Variants in DYNC1I2 observed in about 807,000 individuals in gnomAD.
The protein encoded by DYNC1I2 is cytoplasmic dynein 1 intermediate chain 2.
Under a neutral mutation model 88.6 loss-of-function variants are expected in DYNC1I2, and 53 were observed. The observed-to-expected ratio is 0.60, with a 90% CI of 0.48 to 0.75. DYNC1I2 has a LOEUF of 0.75. DYNC1I2 is among the 30% of genes least tolerant of loss of function. The pLI is 0.00. For synonymous variants in DYNC1I2, 198 were observed against 254.6 expected, an observed-to-expected ratio of 0.78 and a Z score of 2.12; for missense variants, 458 against 766.6, an observed-to-expected ratio of 0.60 and a Z score of 4.75.
At position 171,727,945 on chromosome 2, in the gene DYNC1I2, C is replaced by T. The variant is rs1688355177; in HGVS notation, c.1121C>T (p.Pro374Leu). The change falls in exon 12 of 18, where the codon CCA becomes CTA. Residue 374 changes from proline (P) to leucine (L), a missense_variant. Pro to Leu is a moderately conservative substitution (Grantham distance 98). Coordinates refer to ENST00000397119, the MANE Select transcript of DYNC1I2 (RefSeq NM_001378.3). ...AAAAGAACTCCAGTGCAAAGAACTC[C>T]ACTGTCAGCAGCTGCACACACAGTA... ...SNKRTPVQRT[P>L]LSAAAHTHPV... The T allele has an allele frequency of 6.2e-7, 1 of 1,613,030 alleles. No homozygotes were observed. Among genetic ancestry groups the T allele is most frequent in the African/African-American group, 1.3e-5 (1 of 74,870 alleles).
At chr2:171,735,040 G>C (rs922201304) in intron 15 of DYNC1I2, among the ~76,000 whole-genome samples, 25 of 152,078 alleles carry the variant, frequency 1.6e-4, no homozygotes, top group African/African-American at 5.8e-4. Context: ...AGTGCTCTTT[G>C]ACTCCAGGAA....
chr2:171,743,647 G>C (rs953546892), intron 15 of DYNC1I2, among the ~76,000 whole-genome samples: 2 of 152,194 alleles, frequency 1.3e-5, no homozygotes, highest in Non-Finnish European at 2.9e-5. Flanking sequence ...TCCTGATTCT[G>C]CTGTAGATGC....
intron 3 of DYNC1I2, among the ~76,000 whole-genome samples, chr2:171,701,714 T>C (rs1053478889): frequency 6.6e-6 from 1 of 152,182 alleles, no homozygotes; most frequent in Non-Finnish European, 1.5e-5. Context: ...TTAAACTTTG[T>C]TGAGTATTTG....
chr2:171,705,360 A>G (rs1686599708), intron 3 of DYNC1I2, among the ~76,000 whole-genome samples: 1 of 152,104 alleles, frequency 6.6e-6, no homozygotes, highest in African/African-American at 2.4e-5. Flanking sequence ...TTAAACTGAA[A>G]AAGAATTCTG....
chr2:171,726,106 T>A (rs1156362596), intron 9 of DYNC1I2, 25 bp downstream of exon 9: 1 of 1,562,188 alleles, frequency 6.4e-7, no homozygotes. Flanking sequence ...CTAAGATTTT[T>A]AGCTTCAATA....
At chr2:171,702,622 A>C (rs1392216049) in intron 3 of DYNC1I2, among the ~76,000 whole-genome samples, 1 of 152,148 alleles carries the variant, frequency 6.6e-6, no homozygotes, top group Non-Finnish European at 1.5e-5. Flanking sequence ...TTAAAAAATC[A>C]ATCTATTGTT....
Position 171,706,449 on chromosome 2 carries a change from C to T in DYNC1I2, c.227-98C>T, listed in dbSNP as rs994134099. ...AAAGTTGAGGATCTAGGGGAAAGCA[C>T]TTGCTGTTTATTTTATATACTATGA... On this transcript the variant is annotated intron_variant, in intron 3 of 17. Coordinates refer to ENST00000397119, the MANE Select transcript of DYNC1I2 (RefSeq NM_001378.3). The T allele has an allele frequency of 5.0e-5, 49 of 986,006 alleles. No individual in the cohort carries two copies. The South Asian group carries it at 6.6e-4, about 13-fold the overall frequency. The allele number at this position is 986,006 out of a possible 1,614,324, so 61.1% of individuals were successfully genotyped here.
At chr2:171,723,414 C>A (rs1017499254) in intron 7 of DYNC1I2, among the ~76,000 whole-genome samples, 1 of 152,136 alleles carries the variant, frequency 6.6e-6, no homozygotes, top group Non-Finnish European at 1.5e-5. Flanking sequence ...TATATTCTTA[C>A]AGTGAATTTT....
rs3223500 is a variant in DYNC1I2, at chr2:171,699,591, A to AGTGTGTGTGT, written c.226+6731_226+6740dup. On this transcript the variant is annotated intron_variant, in intron 3 of 17. Transcript: ENST00000397119. ...AGAGCAGGGGTTATTCATCATTTGG[A>AGTGTGTGTGT]GTGTGTGTGTGTGTGTGTGTGTGTG... 3.9e-3 allele frequency among the ~76,000 whole-genome samples: 538 copies of AGTGTGTGTGT among 137,816 alleles called. 3 individuals carry two copies. Among genetic ancestry groups the AGTGTGTGTGT allele is most frequent in the East Asian group, 6.5e-3 (30 of 4,594 alleles). The allele number at this position is 137,816 out of a possible 152,430, so 90.4% of individuals were successfully genotyped here. A position where few individuals can be genotyped will look rare whatever the true frequency, so the allele number is the denominator to read the frequency against.
chr2:171,707,695 G>A (rs1053950462), intron 5 of DYNC1I2, among the ~76,000 whole-genome samples: 13 of 151,964 alleles, frequency 8.6e-5, no homozygotes, highest in East Asian at 1.9e-4. Flanking sequence ...TGGTTATTAC[G>A]TGAATGTTTT....
chr2:171,705,578 C>A (rs1686617313), intron 3 of DYNC1I2, among the ~76,000 whole-genome samples: 1 of 152,010 alleles, frequency 6.6e-6, no homozygotes, highest in Non-Finnish European at 1.5e-5. Context: ...AGTAGGCAAA[C>A]AACTGTTAAG....
At position 171,727,987 on chromosome 2, in the gene DYNC1I2, TC is replaced by T. The variant is rs1688357329; in HGVS notation, c.1143+22del. On this transcript the variant is annotated intron_variant, in intron 12 of 17. Transcript: ENST00000397119. ...CACACAGTAAGTAAATAAGGTTATT[TC>T]CATTAGGCTTCTGTGCTCCTTCATC... 2 of 1,608,668 alleles carry T rather than the reference TC, an allele frequency of 1.2e-6. No individual in the cohort carries two copies. Among genetic ancestry groups the T allele is most frequent in the South Asian group, 2.2e-5 (2 of 90,054 alleles).
intron 17 of DYNC1I2, among the ~76,000 whole-genome samples, chr2:171,746,482 C>A (rs1255799544): frequency 6.6e-6 from 1 of 152,086 alleles, no homozygotes; most frequent in Non-Finnish European, 1.5e-5. Context: ...TCTTTTTTAA[C>A]CCTGGCTAGG....
At chr2:171,700,175 G>A (rs1249883485) in intron 3 of DYNC1I2, among the ~76,000 whole-genome samples, 1 of 152,174 alleles carries the variant, frequency 6.6e-6, no homozygotes, top group Non-Finnish European at 1.5e-5. Flanking sequence ...GCAAGTTGGT[G>A]TTGGTTGCTA....
At chr2:171,734,983 G>A (rs1385185533) in intron 15 of DYNC1I2, among the ~76,000 whole-genome samples, 1 of 152,170 alleles carries the variant, frequency 6.6e-6, no homozygotes, top group African/African-American at 2.4e-5. Context: ...TCACACTCAT[G>A]AATTTAACAG....
At chr2:171,740,778 C>A (rs1321130780) in intron 15 of DYNC1I2, among the ~76,000 whole-genome samples, 1 of 151,422 alleles carries the variant, frequency 6.6e-6, no homozygotes, top group Non-Finnish European at 1.5e-5. Context: ...AAATAAGTTT[C>A]TTTTTAAGTA....
At chr2:171,715,307 G>A (rs1687409748) in intron 6 of DYNC1I2, 21 bp from the exon 7 acceptor site, 1 of 1,453,198 alleles carries the variant, frequency 6.9e-7, no homozygotes, top group Non-Finnish European at 9.4e-7. Context: ...AAATTGTGTT[G>A]TTTGTATTTA....
chr2:171,710,421 C>T (rs1480777625), intron 5 of DYNC1I2, among the ~76,000 whole-genome samples: 3 of 152,138 alleles, frequency 2.0e-5, no homozygotes, highest in Non-Finnish European at 4.4e-5. Context: ...TGCACCTGTA[C>T]GTGCAACTTC....
chr2:171,704,064 C>G (rs1053330254), intron 3 of DYNC1I2, among the ~76,000 whole-genome samples: 12 of 152,186 alleles, frequency 7.9e-5, no homozygotes, highest in Non-Finnish European at 1.6e-4. Flanking sequence ...CCATCCTTTG[C>G]CCTTGAGACT....
Sources: allele counts gnomAD v4.1 joint callset (sites outside exome capture counted in the v4.1 genomes callset), GRCh38; gene constraint gnomAD v4.1.1; transcripts MANE v1.5; gene names NCBI Gene and HGNC (gene_info 2026-07-23, HGNC 2026-07-21).